PTPN3: variants seen among roughly 807,000 people sequenced by gnomAD.
PTPN3 encodes protein tyrosine phosphatase non-receptor type 3.
In PTPN3, 96 loss-of-function variants were observed where a neutral mutation model predicts 132.7. The observed-to-expected ratio is 0.72, with a 90% CI of 0.61 to 0.86. PTPN3 has a LOEUF of 0.86. PTPN3 is among the 40% of genes least tolerant of loss of function. The pLI, the probability that PTPN3 is intolerant of heterozygous loss-of-function variation, is 0.00. For synonymous variants in PTPN3, 398 were observed against 429.0 expected, an observed-to-expected ratio of 0.93 and a Z score of 0.89; for missense variants, 1,125 against 1,159.6, an observed-to-expected ratio of 0.97 and a Z score of 0.43.
intron 10 of PTPN3, among the ~76,000 whole-genome samples, chr9:109,430,701 G>A (rs1281491313): frequency 6.6e-6 from 1 of 152,198 alleles, no homozygotes; most frequent in Non-Finnish European, 1.5e-5. Context: ...GTAAATCACT[G>A]TAACTGTGAG....
intron 14 of PTPN3, 72 bp from the exon 15 acceptor site, chr9:109,410,487 A>G: frequency 6.6e-7 from 1 of 1,508,362 alleles, no homozygotes; most frequent in Non-Finnish European, 9.1e-7. Context: ...TACTGACTGT[A>G]GGGGCCTGGC....
At chr9:109,529,391 T>C in the PTPN3 span, among the ~76,000 whole-genome samples, 2 of 152,240 alleles carry the variant, frequency 1.3e-5, no homozygotes, top group Non-Finnish European at 2.9e-5. Flanking sequence ...CAGGTGATAC[T>C]GATGCCCACT....
chr9:109,405,560 C>A (rs537379797), intron 18 of PTPN3, among the ~76,000 whole-genome samples: 1 of 152,162 alleles, frequency 6.6e-6, no homozygotes, highest in Non-Finnish European at 1.5e-5. Context: ...CATCAGGCAG[C>A]AATGCAGGTA....
At chr9:109,386,141 A>G (rs1174993168) in intron 22 of PTPN3, among the ~76,000 whole-genome samples, 1 of 152,236 alleles carries the variant, frequency 6.6e-6, no homozygotes, top group Non-Finnish European at 1.5e-5. Flanking sequence ...ACTGGTGGGC[A>G]GTGATGAAGA....
At position 109,394,604 on chromosome 9, in the gene PTPN3, G is replaced by A. The variant is rs990360483; in HGVS notation, c.1954-3043C>T. Among the ~76,000 whole-genome samples the A allele has an allele frequency of 4.6e-5, 7 of 151,742 alleles. No homozygotes were observed. The South Asian group carries it at 1.2e-3, about 27-fold the overall frequency. On this transcript the variant is annotated intron_variant, in intron 19 of 25. Transcript: ENST00000374541. ...ACTACAGGCATGTGCCACCACATCC[G>A]GCTAATTTTTGTATTTTTATTTATA...
chr9:109,444,510 C>G (rs1462455730), intron 7 of PTPN3, among the ~76,000 whole-genome samples: 2 of 152,038 alleles, frequency 1.3e-5, no homozygotes, highest in Non-Finnish European at 2.9e-5. Flanking sequence ...AGTGTAAAAT[C>G]CAGACTGATT....
chr9:109,382,440 T>A lies in PTPN3; in HGVS notation c.2390A>T (p.Glu797Val). Residue 797 changes from glutamate (E) to valine (V), a missense_variant, in exon 24 of 26, where the codon GAA (glutamate) becomes GTA (valine). By Grantham distance (121) the Glu-to-Val change is moderately radical. Transcript: ENST00000374541. ...CTGGAGATGTGTCACTGTGTGTTCT[T>A]CCCCGGTCTGTGGGAGATGCAGTGG... ...EMLVTNTQTG[E>V]EHTVTHLQYV... The A allele has an allele frequency of 2.5e-6, 4 of 1,614,116 alleles. No homozygotes were observed. Among genetic ancestry groups the A allele is most frequent in the Non-Finnish European group, 3.4e-6 (4 of 1,180,024 alleles).
In PTPN3 at chr9:109,404,597, A is replaced by G. The variant is rs748649101; in HGVS notation, c.1804T>C (p.Phe602Leu). The G allele has an allele frequency of 1.3e-6, 2 of 1,537,294 alleles. No homozygotes were observed. The highest frequency in any genetic ancestry group is 1.8e-6 in the Non-Finnish European group (2 of 1,129,550). ...TCATCTTCAGACTTGAAGTCAGCAA[A>G]TGAGCGGACAGCTGTAACGTACAAG... ...LVIRRRAVRSFADFKSEDELN... is the reference protein window; with the variant it reads ...LVIRRRAVRSLADFKSEDELN... The change falls in exon 19 of 26, where the codon TTT becomes CTT. Residue 602 changes from phenylalanine (F) to leucine (L), a missense_variant. Phe to Leu is a conservative substitution (Grantham distance 22). Coordinates refer to ENST00000374541, the MANE Select transcript of PTPN3 (RefSeq NM_002829.4).
chr9:109,506,613 T>A, the PTPN3 span, among the ~76,000 whole-genome samples: 2 of 150,634 alleles, frequency 1.3e-5, no homozygotes, highest in African/African-American at 2.4e-5. Flanking sequence ...CTTTCTTTTT[T>A]TTTTTTTGCG....
chr9:109,388,758 G>T (rs575520963), intron 22 of PTPN3, among the ~76,000 whole-genome samples: 1 of 152,368 alleles, frequency 6.6e-6, no homozygotes, highest in South Asian at 2.1e-4. Flanking sequence ...CTGAGGAGAA[G>T]AATGACCTTC....
chr9:109,396,852 G>C (rs1840642796), intron 19 of PTPN3, among the ~76,000 whole-genome samples: 1 of 152,166 alleles, frequency 6.6e-6, no homozygotes, highest in Non-Finnish European at 1.5e-5. Flanking sequence ...TATAATATTA[G>C]AGAAGGCATC....
intron 10 of PTPN3, among the ~76,000 whole-genome samples, chr9:109,431,202 C>T (rs1002684404): frequency 3.3e-5 from 5 of 152,212 alleles, no homozygotes; most frequent in Admixed American, 2.6e-4. Flanking sequence ...TCCCTGCAGG[C>T]TCTGCCAAAA....
At chr9:109,383,300 C>T in intron 23 of PTPN3, 123 bp downstream of exon 23, 1 of 1,541,880 alleles carries the variant, frequency 6.5e-7, no homozygotes, top group Non-Finnish European at 8.9e-7. Context: ...CAGTCTTGCG[C>T]ACTTACTGAC....
chr9:109,483,425 G>T (rs548756563), intron 1 of PTPN3, among the ~76,000 whole-genome samples: 7 of 152,106 alleles, frequency 4.6e-5, no homozygotes, highest in Non-Finnish European at 1.0e-4. Flanking sequence ...AGGTGCTGGG[G>T]TACAAGGTTA....
intron 1 of PTPN3, among the ~76,000 whole-genome samples, chr9:109,477,261 T>A (rs189721336): frequency 6.8e-4 from 104 of 152,342 alleles, no homozygotes; most frequent in Middle Eastern, 3.4e-3. Context: ...GATAATCTTT[T>A]ATAAACACTC....
In PTPN3 at chr9:109,489,710, T is replaced by G. The variant is rs899322511; in HGVS notation, c.-18+8509A>C. Among the ~76,000 whole-genome samples the G allele has an allele frequency of 3.3e-5, 5 of 151,990 alleles. No individual in the cohort carries two copies. In the East Asian group the frequency reaches 9.7e-4, roughly 30 times the overall value. ...CGCCCAGCCTGATGAGTCTCACCCC[T>G]CATCAAACATTCCATTTGCCTCTCC... On this transcript the variant is annotated intron_variant, in intron 1 of 25. Transcript: ENST00000374541.
the PTPN3 span, among the ~76,000 whole-genome samples, chr9:109,528,085 G>A: frequency 6.6e-6 from 1 of 152,170 alleles, no homozygotes; most frequent in East Asian, 1.9e-4. Flanking sequence ...GTCATTAAAA[G>A]CATTATAATA....
intron 21 of PTPN3, among the ~76,000 whole-genome samples, chr9:109,390,238 T>C (rs1839947680): frequency 6.6e-6 from 1 of 152,232 alleles, no homozygotes; most frequent in Non-Finnish European, 1.5e-5. Context: ...GAATCACTGA[T>C]GAGACCAGTT....
At chr9:109,458,063 G>A (rs949739304) in intron 2 of PTPN3, among the ~76,000 whole-genome samples, 1 of 152,222 alleles carries the variant, frequency 6.6e-6, no homozygotes, top group African/African-American at 2.4e-5. Context: ...GGCAGGCACG[G>A]TGTGGGAATG....
Sources: allele counts gnomAD v4.1 joint callset (sites outside exome capture counted in the v4.1 genomes callset), GRCh38; gene constraint gnomAD v4.1.1; transcripts MANE v1.5; gene names NCBI Gene and HGNC (gene_info 2026-07-23, HGNC 2026-07-21).